Variants in PRKCA observed in about 807,000 individuals in gnomAD.
The protein encoded by PRKCA is protein kinase C alpha type.
Under a neutral mutation model 87.0 loss-of-function variants are expected in PRKCA, and 27 were observed. The ratio of observed to expected loss-of-function variants is 0.31; its 90% CI spans 0.23 to 0.43. The LOEUF (loss-of-function observed/expected upper bound fraction) is 0.43. PRKCA is among the 20% of genes least tolerant of loss of function. The probability of loss-of-function intolerance (pLI) is 1.00; values close to 1 mark genes in which losing one functional copy is unlikely to be tolerated. For missense variants in PRKCA, 518 were observed against 852.3 expected (o/e 0.61, Z 4.88); for synonymous variants, 329 against 311.1 (o/e 1.06, Z -0.61).
chr17:66,573,643 C>G (rs1306828482), intron 3 of PRKCA, among the ~76,000 whole-genome samples: 1 of 152,144 alleles, frequency 6.6e-6, no homozygotes, highest in African/African-American at 2.4e-5. Flanking sequence ...ACAATGTTGA[C>G]AGGCATTTAC....
chr17:66,408,175 G>A (rs925596857), intron 2 of PRKCA, among the ~76,000 whole-genome samples: 1 of 152,186 alleles, frequency 6.6e-6, no homozygotes, highest in Admixed American at 6.5e-5. Flanking sequence ...GTTGTCCAAG[G>A]CAACTATAGG....
chr17:66,572,069 T>C (rs1175936424), intron 3 of PRKCA, among the ~76,000 whole-genome samples: 1 of 152,234 alleles, frequency 6.6e-6, no homozygotes, highest in Non-Finnish European at 1.5e-5. Context: ...TCTGTGATGC[T>C]GTGATCCTAG....
intron 2 of PRKCA, chr17:66,416,687 G>A (rs1912173234): frequency 6.6e-6 from 1 of 152,168 alleles, no homozygotes; most frequent in South Asian, 2.1e-4. Context: ...CCCCATCACA[G>A]GAAAAAGGAG....
At chr17:66,771,624 C>T (rs558606259) in intron 13 of PRKCA, among the ~76,000 whole-genome samples, 1 of 152,040 alleles carries the variant, frequency 6.6e-6, no homozygotes, top group African/African-American at 2.4e-5. Context: ...GACGGAGTCT[C>T]GCTCTCTTGC....
chr17:66,631,029 C>G (rs1035520539), intron 3 of PRKCA, among the ~76,000 whole-genome samples: 65 of 152,084 alleles, frequency 4.3e-4, no homozygotes, highest in African/African-American at 1.4e-3. Context: ...CATTTCCAAG[C>G]AGGAGATATA....
intron 2 of PRKCA, among the ~76,000 whole-genome samples, chr17:66,374,434 G>A (rs532778463): frequency 2.2e-4 from 33 of 152,122 alleles, no homozygotes; most frequent in Non-Finnish European, 4.3e-4. Flanking sequence ...CACGGGTGTC[G>A]CCCCAGACTC....
chr17:66,357,792 T>C (rs1908151252), intron 2 of PRKCA, among the ~76,000 whole-genome samples: 1 of 152,226 alleles, frequency 6.6e-6, no homozygotes, highest in African/African-American at 2.4e-5. Context: ...GTTATGTTAT[T>C]AGAAGTCCCA....
rs187606673 is a variant in PRKCA at position 66,806,174 on chromosome 17, G to T, written c.*2137G>T. ...TAGCTGTCAGTCCTTGTAGAGAGCC[G>T]CTCTGTTTCCTCCCAGAAGCATCTC... On this transcript the variant is annotated 3_prime_UTR_variant, in exon 17 of 17. Coordinates refer to ENST00000413366, the MANE Select transcript of PRKCA (RefSeq NM_002737.3). The T allele has an allele frequency of 6.6e-6, 1 of 152,214 alleles. No individual in the cohort carries two copies. Among genetic ancestry groups the T allele is most frequent in the African/African-American group, 2.4e-5 (1 of 41,436 alleles). The allele number at this position is 152,214 out of a possible 1,614,324, so 9.4% of individuals were successfully genotyped here.
intron 3 of PRKCA, among the ~76,000 whole-genome samples, chr17:66,573,385 A>T (rs1969135448): frequency 6.6e-6 from 1 of 152,216 alleles, no homozygotes; most frequent in Non-Finnish European, 1.5e-5. Flanking sequence ...TGACTGAATT[A>T]TACCACCAAA....
At chr17:66,572,651 C>CA (rs1269847305) in intron 3 of PRKCA, among the ~76,000 whole-genome samples, 1 of 152,040 alleles carries the variant, frequency 6.6e-6, no homozygotes, top group African/African-American at 2.4e-5. Context: ...AGGTGCACAA[C>CA]ACCATGCCTG....
chr17:66,731,126 G>A (rs111484219), intron 8 of PRKCA, among the ~76,000 whole-genome samples: 3,958 of 152,102 alleles, frequency 0.026, 175 homozygotes, highest in African/African-American at 0.09. Context: ...CGAGGTGGGC[G>A]GATCACCTGA....
rs909566960 is a variant in PRKCA, at chr17:66,761,149, A to G, written c.1525-12838A>G. ...CACTTTGGGAGGCCGAGGTGGGCGGATCACAAGGTCAGGAGATTGAGACCA... is the reference window on the plus strand; with the variant it reads ...CACTTTGGGAGGCCGAGGTGGGCGGGTCACAAGGTCAGGAGATTGAGACCA... On this transcript the variant is annotated intron_variant, in intron 13 of 16. Coordinates refer to ENST00000413366, the MANE Select transcript of PRKCA (RefSeq NM_002737.3). 2.6e-5 allele frequency among the ~76,000 whole-genome samples: 4 copies of G among 152,190 alleles called. No homozygotes were observed. The East Asian group carries it at 5.9e-4, about 22-fold the overall frequency.
chr17:66,384,213 G>A (rs1395360338), intron 2 of PRKCA, among the ~76,000 whole-genome samples: 2 of 152,160 alleles, frequency 1.3e-5, no homozygotes, highest in Non-Finnish European at 2.9e-5. Context: ...CTGTAATGAT[G>A]ACAGAGAGCT....
At chr17:66,341,094 A>G (rs1907017094) in intron 2 of PRKCA, among the ~76,000 whole-genome samples, 1 of 152,114 alleles carries the variant, frequency 6.6e-6, no homozygotes, top group South Asian at 2.1e-4. Flanking sequence ...GGGAGTGGAT[A>G]AGACTTAAAA....
At chr17:66,591,070 C>T (rs1756537433) in intron 3 of PRKCA, among the ~76,000 whole-genome samples, 1 of 152,172 alleles carries the variant, frequency 6.6e-6, no homozygotes, top group Non-Finnish European at 1.5e-5. Flanking sequence ...ACCGCATTTT[C>T]CACATCTGTG....
At chr17:66,349,538 T>A (rs75732492) in intron 2 of PRKCA, among the ~76,000 whole-genome samples, 1 of 152,140 alleles carries the variant, frequency 6.6e-6, no homozygotes, top group Non-Finnish European at 1.5e-5. Flanking sequence ...TTTTCATTTT[T>A]CTTCTGGCCT....
At chr17:66,572,801 C>G (rs1969119421) in intron 3 of PRKCA, among the ~76,000 whole-genome samples, 1 of 152,124 alleles carries the variant, frequency 6.6e-6, no homozygotes, top group African/African-American at 2.4e-5. Flanking sequence ...TGAGGCTTTT[C>G]TGACTAAAAT....
chr17:66,434,728 C>T (rs977996766), intron 2 of PRKCA, among the ~76,000 whole-genome samples: 18 of 152,168 alleles, frequency 1.2e-4, no homozygotes, highest in Non-Finnish European at 2.4e-4. Flanking sequence ...TTGTTAGCTG[C>T]ATGGCCTAGA....
chr17:66,764,232 G>A (rs1974749356), intron 13 of PRKCA, among the ~76,000 whole-genome samples: 3 of 152,214 alleles, frequency 2.0e-5, no homozygotes, highest in Non-Finnish European at 4.4e-5. Context: ...TGGTGATGTT[G>A]GTTACAGCTA....
Sources: allele counts gnomAD v4.1 joint callset (sites outside exome capture counted in the v4.1 genomes callset), GRCh38; gene constraint gnomAD v4.1.1; transcripts MANE v1.5; gene names NCBI Gene and HGNC (gene_info 2026-07-23, HGNC 2026-07-21).